The following DRC2 variants were observed in gnomAD, a reference collection of about 807,000 sequenced individuals.
DRC2 encodes coiled-coil domain containing 65.
the DRC2 span, among the ~76,000 whole-genome samples, chr12:48,909,120 C>T: frequency 1.3e-5 from 2 of 149,914 alleles, no homozygotes; most frequent in African/African-American, 4.9e-5. Flanking sequence ...CTCGGCTCAC[C>T]GCAACCTCCA....
At chr12:48,917,161 C>T in the DRC2 span, 1 of 1,602,886 alleles carries the variant, frequency 6.2e-7, no homozygotes, top group Admixed American at 1.7e-5. Context: ...TAGAAAAATG[C>T]TCAAGGAGGC....
At chr12:48,915,894 G>A in the DRC2 span, among the ~76,000 whole-genome samples, 1 of 148,032 alleles carries the variant, frequency 6.8e-6, no homozygotes, top group Non-Finnish European at 1.5e-5. Flanking sequence ...GGGGCGGCTG[G>A]GCAGAGACGC....
the DRC2 span, among the ~76,000 whole-genome samples, chr12:48,913,055 A>C: frequency 1.4e-5 from 2 of 147,724 alleles, no homozygotes; most frequent in African/African-American, 5.0e-5. Flanking sequence ...GAATCGTTTG[A>C]ACCTGGGAGG....
the DRC2 span, chr12:48,905,000 A>T: frequency 6.2e-7 from 1 of 1,614,012 alleles, no homozygotes; most frequent in South Asian, 1.1e-5. Context: ...TAAGATTAAC[A>T]CACAGTGGAG....
At chr12:48,912,458 A>AAAAAAT in the DRC2 span, among the ~76,000 whole-genome samples, 1 of 150,404 alleles carries the variant, frequency 6.6e-6, no homozygotes, top group East Asian at 1.9e-4. Context: ...AAAAAAAAAA[A>AAAAAAT]AATTCATGTG....
chr12:48,918,176 T>C, the DRC2 span: 1 of 1,128,444 alleles, frequency 8.9e-7, no homozygotes, highest in South Asian at 1.4e-5. Context: ...TGTACTAAAC[T>C]ATGCTACAAA....
the DRC2 span, among the ~76,000 whole-genome samples, chr12:48,909,215 G>A: frequency 9.3e-4 from 140 of 150,924 alleles, 3 homozygotes; most frequent in East Asian, 0.023. Context: ...AGCTAATTTG[G>A]TATTTTTAGT....
chr12:48,909,487 TA>T, the DRC2 span, among the ~76,000 whole-genome samples: 2 of 152,152 alleles, frequency 1.3e-5, no homozygotes, highest in African/African-American at 4.8e-5. Flanking sequence ...TTTATTTATT[TA>T]TTTTTTTGAG....
chr12:48,915,957 A>G, the DRC2 span, among the ~76,000 whole-genome samples: 4 of 142,176 alleles, frequency 2.8e-5, no homozygotes, highest in Non-Finnish European at 6.1e-5. Flanking sequence ...CTCACATCCC[A>G]GACAGGGCGG....
At chr12:48,904,220 G>T in the DRC2 span, 1 of 1,408,326 alleles carries the variant, frequency 7.1e-7, no homozygotes, top group Non-Finnish European at 9.5e-7. Flanking sequence ...TCCCACAACC[G>T]CCCACAACCA....
chr12:48,920,439 C>CTTTT, the DRC2 span, among the ~76,000 whole-genome samples: 1 of 23,826 alleles, frequency 4.2e-5, no homozygotes, highest in Admixed American at 9.4e-4. Context: ...GAAACTCCAT[C>CTTTT]TTAAAAAAAA....
chr12:48,904,627 G>A, the DRC2 span, among the ~76,000 whole-genome samples: 2 of 152,214 alleles, frequency 1.3e-5, no homozygotes, highest in Non-Finnish European at 2.9e-5. Flanking sequence ...GGAGGCGGGG[G>A]TGTTCTCTGC....
chr12:48,909,756 C>T, the DRC2 span, among the ~76,000 whole-genome samples: 108 of 149,884 alleles, frequency 7.2e-4, 1 homozygote, highest in Middle Eastern at 7.2e-3. Context: ...GGATTACAGG[C>T]GTGAGCCACC....
chr12:48,911,983 G>A, the DRC2 span, among the ~76,000 whole-genome samples: 3 of 151,936 alleles, frequency 2.0e-5, no homozygotes, highest in Non-Finnish European at 4.4e-5. Flanking sequence ...CTTCTGGCTG[G>A]GCACGGTGGC....
At chr12:48,918,752 A>G in the DRC2 span, 2 of 1,613,756 alleles carry the variant, frequency 1.2e-6, no homozygotes, top group Admixed American at 3.3e-5. Context: ...GAGAACCGGT[A>G]TATCCGTAAT....
At chr12:48,914,330 C>A in the DRC2 span, 1 of 1,433,974 alleles carries the variant, frequency 7.0e-7, no homozygotes, top group Non-Finnish European at 9.3e-7. Flanking sequence ...GAAAAAACTG[C>A]CAGCTGAATA....
At chr12:48,920,866 C>G in the DRC2 span, 1 of 1,507,516 alleles carries the variant, frequency 6.6e-7, no homozygotes, top group Non-Finnish European at 8.9e-7. Context: ...ACAGGGGAAC[C>G]AACTCCACTA....
At chr12:48,915,592 T>C in the DRC2 span, among the ~76,000 whole-genome samples, 1 of 152,086 alleles carries the variant, frequency 6.6e-6, no homozygotes, top group Non-Finnish European at 1.5e-5. Flanking sequence ...AAAGCCGCCA[T>C]TGTCATCCTG....
chr12:48,905,195 C>G, the DRC2 span: 1 of 1,218,884 alleles, frequency 8.2e-7, no homozygotes, highest in East Asian at 2.4e-5. Context: ...ATCTTAAAGC[C>G]CTCACAAGAC....
Sources: allele counts gnomAD v4.1 joint callset (sites outside exome capture counted in the v4.1 genomes callset), GRCh38; gene constraint gnomAD v4.1.1; transcripts MANE v1.5; gene names NCBI Gene and HGNC (gene_info 2026-07-23, HGNC 2026-07-21).